The following EBF1 variants were observed in gnomAD, a reference collection of about 807,000 sequenced individuals.
The protein encoded by EBF1 is EBF transcription factor 1.
EBF1 carries 10 observed loss-of-function variants against 68.4 expected under a neutral mutation model. The ratio of observed to expected loss-of-function variants is 0.15; its 90% CI spans 0.09 to 0.25. The LOEUF is 0.25. Ranked by LOEUF, EBF1 falls within the 10% of genes least tolerant of loss-of-function variation. The pLI, the probability that EBF1 is intolerant of heterozygous loss-of-function variation, is 1.00. For synonymous variants in EBF1, 298 were observed against 299.8 expected, an observed-to-expected ratio of 0.99 and a Z score of 0.06; for missense variants, 509 against 794.4, an observed-to-expected ratio of 0.64 and a Z score of 4.32.
At chr5:159,031,324 A>G (rs1442404766) in intron 6 of EBF1, among the ~76,000 whole-genome samples, 1 of 152,262 alleles carries the variant, frequency 6.6e-6, no homozygotes, top group Non-Finnish European at 1.5e-5. Flanking sequence ...GAATTCTTTA[A>G]CAACATGTCC....
At chr5:158,828,640 C>T (rs1279922730) in intron 7 of EBF1, among the ~76,000 whole-genome samples, 1 of 152,140 alleles carries the variant, frequency 6.6e-6, no homozygotes, top group African/African-American at 2.4e-5. Context: ...TTCTGGTTGT[C>T]ATATTGTAAA....
intron 15 of EBF1, among the ~76,000 whole-genome samples, chr5:158,703,246 C>G (rs1450529337): frequency 6.6e-6 from 1 of 152,180 alleles, no homozygotes; most frequent in African/African-American, 2.4e-5. Flanking sequence ...AAAACAGACA[C>G]AGTTAGGTAG....
At chr5:158,749,013 C>T (rs1490394227) in intron 10 of EBF1, among the ~76,000 whole-genome samples, 1 of 152,134 alleles carries the variant, frequency 6.6e-6, no homozygotes, top group Non-Finnish European at 1.5e-5. Context: ...TGAGGTGTGT[C>T]CCCAAGGCAA....
chr5:158,994,782 C>T lies in EBF1; in HGVS notation c.554+78614G>A, dbSNP rs527953615. ...CAGTAGGGCAAAAAACACAGTTTTG[C>T]TCAAACTAATATGGCAGAAAATTCA... is the stretch of plus-strand genomic sequence containing the variant. On this transcript the variant is annotated intron_variant, in intron 6 of 15. Transcript: ENST00000313708. 5.3e-5 allele frequency among the ~76,000 whole-genome samples: 8 copies of T among 152,284 alleles called. No homozygotes were observed. In the South Asian group the frequency reaches 1.7e-3, roughly 32 times the overall value.
At position 158,989,380 on chromosome 5, in the gene EBF1, A is replaced by G. The variant is rs550484689; in HGVS notation, c.554+84016T>C. Among the ~76,000 whole-genome samples, 10 of 152,306 alleles carry G rather than the reference A, an allele frequency of 6.6e-5. No individual in the cohort carries two copies. The East Asian group carries it at 1.9e-3, about 29-fold the overall frequency. On this transcript the variant is annotated intron_variant, in intron 6 of 15. Coordinates refer to ENST00000313708, the MANE Select transcript of EBF1 (RefSeq NM_024007.5). Reference sequence around the variant, plus strand: ...GCTGCTCCTGAGCCAAATGATGGACAATTTCTTGTCAGACTGGAGAGCAAA... The same window carrying G: ...GCTGCTCCTGAGCCAAATGATGGACGATTTCTTGTCAGACTGGAGAGCAAA...
intron 6 of EBF1, among the ~76,000 whole-genome samples, chr5:159,040,035 T>C (rs1338100502): frequency 1.3e-5 from 2 of 152,210 alleles, no homozygotes; most frequent in Non-Finnish European, 2.9e-5. Context: ...TTCTTTAAAA[T>C]GCCACCTCAC....
At chr5:158,986,345 A>G (rs1759069510) in intron 6 of EBF1, 1 of 152,232 alleles carries the variant, frequency 6.6e-6, no homozygotes, top group African/African-American at 2.4e-5. Context: ...AAGATTAAAA[A>G]GAGTCACTTC....
At chr5:158,712,035 T>C in intron 14 of EBF1, 119 bp downstream of exon 14, 1 of 1,251,040 alleles carries the variant, frequency 8.0e-7, no homozygotes, top group Non-Finnish European at 1.1e-6. Context: ...GGGAGTGCCT[T>C]ACAGGAGGGA....
At position 158,791,318 on chromosome 5, in the gene EBF1, C is replaced by CAAAAA. The variant is rs70987931; in HGVS notation, c.909+5022_909+5026dup. Among the ~76,000 whole-genome samples the CAAAAA allele has an allele frequency of 8.3e-3, 573 of 69,048 alleles. 9 individuals are homozygous for CAAAAA. The highest frequency in any genetic ancestry group is 0.027 in the African/African-American group (544 of 19,784). 45.3% of individuals were successfully genotyped at this position (69,048 alleles called of 152,430 possible). On this transcript the variant is annotated intron_variant, in intron 9 of 15. Coordinates refer to ENST00000313708, the MANE Select transcript of EBF1 (RefSeq NM_024007.5). ...TGAGCAACAGAGCAAGATTCCATCT[C>CAAAAA]AAAAAAAAAAAAAAAAAAAGGAATT... is the stretch of plus-strand genomic sequence containing the variant.
At chr5:159,094,629 C>T (rs72813951) in intron 4 of EBF1, among the ~76,000 whole-genome samples, 23,800 of 152,072 alleles carry the variant, frequency 0.16, 2,232 homozygotes, top group Non-Finnish European at 0.21. Context: ...AATCATTTCT[C>T]TTATTTTAAA....
chr5:159,009,032 T>G (rs976430117), intron 6 of EBF1, among the ~76,000 whole-genome samples: 2 of 152,194 alleles, frequency 1.3e-5, no homozygotes, highest in African/African-American at 4.8e-5. Flanking sequence ...TGGAAAGCTC[T>G]CCCAGCCTCA....
At chr5:158,981,853 T>C in intron 6 of EBF1, among the ~76,000 whole-genome samples, 1 of 152,134 alleles carries the variant, frequency 6.6e-6, no homozygotes, top group East Asian at 1.9e-4. Context: ...GATAGAATCT[T>C]ACTAAAAATA....
intron 8 of EBF1, among the ~76,000 whole-genome samples, chr5:158,813,492 A>T (rs1340944444): frequency 1.3e-5 from 2 of 152,116 alleles, no homozygotes; most frequent in East Asian, 3.9e-4. Context: ...GCCTCCTAGA[A>T]CCAACTGTTA....
chr5:159,098,936 AAG>A (rs1331316859), intron 1 of EBF1, among the ~76,000 whole-genome samples: 1 of 151,906 alleles, frequency 6.6e-6, no homozygotes, highest in African/African-American at 2.4e-5. Flanking sequence ...AAGAGAAAGA[AAG>A]AAAGAAAAAA....
intron 15 of EBF1, among the ~76,000 whole-genome samples, chr5:158,701,701 AAGAGAAGCT>A (rs1756807593): frequency 6.6e-6 from 1 of 152,252 alleles, no homozygotes; most frequent in Non-Finnish European, 1.5e-5. Flanking sequence ...CAAATGTTTC[AAGAGAAGCT>A]AGAGATTTAG....
intron 4 of EBF1, among the ~76,000 whole-genome samples, chr5:159,087,045 TA>T (rs1264512492): frequency 3.9e-5 from 6 of 152,016 alleles, no homozygotes; most frequent in Admixed American, 2.6e-4. Flanking sequence ...TACATGATGC[TA>T]AAAAACTCTA....
chr5:159,095,880 C>T (rs1416739315), intron 3 of EBF1, among the ~76,000 whole-genome samples: 1 of 152,244 alleles, frequency 6.6e-6, no homozygotes, highest in Non-Finnish European at 1.5e-5. Context: ...GTGCTGCTGG[C>T]CTTGCCTTAG....
chr5:158,974,447 A>G (rs1444189326), intron 6 of EBF1, among the ~76,000 whole-genome samples: 1 of 152,080 alleles, frequency 6.6e-6, no homozygotes, highest in Non-Finnish European at 1.5e-5. Flanking sequence ...CTAAATTTCA[A>G]TTGTTTTGCA....
chr5:159,067,569 G>T (rs1213212844), intron 6 of EBF1, among the ~76,000 whole-genome samples: 2 of 152,088 alleles, frequency 1.3e-5, no homozygotes, highest in Non-Finnish European at 2.9e-5. Flanking sequence ...TGTGTATTTG[G>T]GAATAGCTGA....
Sources: gnomAD v4.1 joint callset for allele counts (sites outside exome capture counted in the v4.1 genomes callset) on GRCh38, gnomAD v4.1.1 for gene constraint, MANE v1.5 for transcripts, NCBI Gene and HGNC (gene_info 2026-07-23, HGNC 2026-07-21) for gene names.